Variants in ZNF507 observed in about 807,000 individuals in gnomAD.
ZNF507 encodes zinc finger protein 507.
ZNF507 carries 29 observed loss-of-function variants against 80.0 expected under a neutral mutation model. That is an observed-to-expected ratio of 0.36 (90% confidence interval 0.27 to 0.49). The LOEUF (loss-of-function observed/expected upper bound fraction) is 0.49, where lower values mean the gene tolerates loss of function less well. Among genes scored for constraint, ZNF507 ranks in the 20% least tolerant of loss-of-function variants. ZNF507 has a pLI of 0.98. For missense variants in ZNF507, 1,081 were observed against 1,152.2 expected (o/e 0.94, Z 0.90); for synonymous variants, 462 against 422.5 (o/e 1.09, Z -1.15).
intron 5 of ZNF507, among the ~76,000 whole-genome samples, chr19:32,375,694 G>A (rs781711228): frequency 6.6e-6 from 1 of 152,204 alleles, no homozygotes; most frequent in South Asian, 2.1e-4. Flanking sequence ...TCAGTTAATT[G>A]AAACTGGATG....
chr19:32,349,026 C>T (rs147022543), intron 2 of ZNF507, among the ~76,000 whole-genome samples: 112 of 152,214 alleles, frequency 7.4e-4, no homozygotes, highest in African/African-American at 2.5e-3. Context: ...ATAAGCAAAC[C>T]ACAGCATAAT....
intron 2 of ZNF507, 49 bp downstream of exon 2, chr19:32,347,387 T>G (rs1222314601): frequency 6.6e-6 from 1 of 152,290 alleles, no homozygotes; most frequent in Non-Finnish European, 1.5e-5. Context: ...TAAGACTGTA[T>G]AACACCCACC....
In ZNF507 at chr19:32,383,054, G is replaced by T; in HGVS notation, c.2833G>T (p.Asp945Tyr). 2 of 1,613,970 alleles carry T rather than the reference G, an allele frequency of 1.2e-6. No homozygotes were observed. Among genetic ancestry groups the T allele is most frequent in the South Asian group, 2.2e-5 (2 of 91,046 alleles). Residue 945 changes from aspartate (D) to tyrosine (Y), a missense_variant, in exon 7 of 7, where the codon GAC (aspartate) becomes TAC (tyrosine). By Grantham distance (160) the Asp-to-Tyr change is radical. This residue lies in a region of ZNF507 where 138 missense variants were observed against 158.4 expected (regional missense o/e 0.87). Coordinates refer to ENST00000355898, the MANE Select transcript of ZNF507 (RefSeq NM_001136156.2). Reference protein sequence around the residue: ...GEIVNIILNKDHNTALNTN With the variant: ...GEIVNIILNKYHNTALNTN ...AATTGTAAACATCATCCTGAATAAGGACCACAATACAGCTCTAAACACAAA... is the reference window on the plus strand; with the variant it reads ...AATTGTAAACATCATCCTGAATAAGTACCACAATACAGCTCTAAACACAAA...
intron 5 of ZNF507, among the ~76,000 whole-genome samples, chr19:32,375,851 G>A (rs1321771448): frequency 2.0e-5 from 3 of 152,036 alleles, no homozygotes; most frequent in Non-Finnish European, 4.4e-5. Flanking sequence ...CCTTTCAAAT[G>A]GTGACTCATA....
Position 32,354,852 on chromosome 19 carries a change from C to T in ZNF507, c.2022C>T (p.Cys674=), listed in dbSNP as rs145379181. Residue 674 remains cysteine (C), a synonymous_variant, in exon 3 of 7, where the codon TGC becomes TGT. Coordinates refer to ENST00000355898, the MANE Select transcript of ZNF507 (RefSeq NM_001136156.2). ...RQRQPYQCPI[C]EHIADNSKDL... ...GACAGCCTTATCAGTGTCCTATCTG[C>T]GAGCACATAGCGGACAACAGCAAAG... 9.3e-6 allele frequency: 15 copies of T among 1,614,000 alleles called. No homozygotes were observed. The highest frequency in any genetic ancestry group is 8.0e-5 in the African/African-American group (6 of 74,912).
intron 2 of ZNF507, among the ~76,000 whole-genome samples, chr19:32,349,403 T>C (rs771604139): frequency 6.6e-6 from 1 of 152,248 alleles, no homozygotes; most frequent in Non-Finnish European, 1.5e-5. Context: ...TACCTCTCCA[T>C]GAAGCTTTTG....
rs933881654 is a variant in ZNF507 at position 32,347,231 on chromosome 19, G to A, written c.-96-14G>A. 1.3e-5 allele frequency: 2 copies of A among 152,520 alleles called. No homozygotes were observed. Among genetic ancestry groups the A allele is most frequent in the East Asian group, 3.9e-4 (2 of 5,180 alleles). The allele number at this position is 152,520 out of a possible 1,614,324, so 9.4% of individuals were successfully genotyped here. On this transcript the variant is annotated splice_polypyrimidine_tract_variant and intron_variant, in intron 1 of 6. Coordinates refer to ENST00000355898, the MANE Select transcript of ZNF507 (RefSeq NM_001136156.2). The stretch of plus-strand genomic sequence containing the variant: ...AAATGTTTTGATACTATATACTTTC[G>A]TTCTTGGCCACAGCTGGATTTTGAA...
At position 32,354,686 on chromosome 19, in the gene ZNF507, C is replaced by T; in HGVS notation, c.1856C>T (p.Pro619Leu). Residue 619 changes from proline (P) to leucine (L), a missense_variant, in exon 3 of 7, where the codon CCC (proline) becomes CTC (leucine). By Grantham distance (98) the Pro-to-Leu change is moderately conservative. Around this residue, in one of 6 missense-constraint regions of ZNF507, gnomAD observed 614 missense variants for 583.9 expected, o/e 1.05. Transcript: ENST00000355898. The stretch of plus-strand genomic sequence containing the variant: ...TTGCAGGACAACGCCCAGTGCCAAC[C>T]CAACAGCGATACAAGTTTGTCCGGA... ...KELQDNAQCQ[P>L]NSDTSLSGNN... The T allele has an allele frequency of 6.2e-7, 1 of 1,614,148 alleles. No homozygotes were observed. The highest frequency in any genetic ancestry group is 1.1e-5 in the South Asian group (1 of 91,068).
intron 4 of ZNF507, chr19:32,356,999 C>T: frequency 3.3e-6 from 1 of 301,588 alleles, no homozygotes; most frequent in Non-Finnish European, 6.2e-6. Flanking sequence ...AGGTGATGTA[C>T]CAGCAAGCCA....
chr19:32,353,934 A>C lies in ZNF507; in HGVS notation c.1104A>C (p.Ala368=). Residue 368 remains alanine, a synonymous_variant, in exon 3 of 7, where the codon GCA becomes GCC. Coordinates refer to ENST00000355898, the MANE Select transcript of ZNF507 (RefSeq NM_001136156.2). ...EEEMLEVISD[A]EENLIPDSLL... is the part of the protein sequence containing the mutation. ...AAATGCTAGAAGTGATTTCTGATGC[A>C]GAGGAGAATCTGATTCCTGATAGCC... 6.2e-7 allele frequency: 1 copy of C among 1,614,178 alleles called. No individual in the cohort carries two copies.
In ZNF507 at chr19:32,382,973, T is replaced by A; in HGVS notation, c.2752T>A (p.Phe918Ile). 2 of 1,614,164 alleles carry A rather than the reference T, an allele frequency of 1.2e-6. No individual in the cohort carries two copies. The highest frequency in any genetic ancestry group is 1.7e-6 in the Non-Finnish European group (2 of 1,180,026). The change falls in exon 7 of 7, where the codon TTT becomes ATT. Residue 918 changes from phenylalanine to isoleucine, a missense_variant. Phe to Ile is a conservative substitution (Grantham distance 21). Coordinates refer to ENST00000355898, the MANE Select transcript of ZNF507 (RefSeq NM_001136156.2). ...VLLFCCCICG[F>I]ESTSKENLLD... ...ACTCTTCTGCTGTTGTATTTGTGGTTTTGAATCAACCAGCAAAGAAAACCT... is the reference window on the plus strand; with the variant it reads ...ACTCTTCTGCTGTTGTATTTGTGGTATTGAATCAACCAGCAAAGAAAACCT...
intron 5 of ZNF507, among the ~76,000 whole-genome samples, chr19:32,362,394 G>C (rs1463102936): frequency 6.6e-6 from 1 of 152,172 alleles, no homozygotes; most frequent in Admixed American, 6.5e-5. Context: ...TCCGGGTCCA[G>C]AATTAGATTG....
chr19:32,363,452 A>G (rs181903595), intron 5 of ZNF507, among the ~76,000 whole-genome samples: 3 of 152,228 alleles, frequency 2.0e-5, no homozygotes, highest in Non-Finnish European at 1.5e-5. Context: ...CAGTCCTTCA[A>G]TGACCCCATC....
In ZNF507 at chr19:32,353,607, G is replaced by A. The variant is rs1967202873; in HGVS notation, c.777G>A (p.Gln259=). The A allele has an allele frequency of 6.2e-7, 1 of 1,614,104 alleles. No homozygotes were observed. Among genetic ancestry groups the A allele is most frequent in the South Asian group, 1.1e-5 (1 of 91,092 alleles). The change falls in exon 3 of 7, where the codon CAG becomes CAA. Residue 259 remains glutamine, a synonymous_variant. Transcript: ENST00000355898. ...TGTTTTGTAGTTATACTTGTGGCCA[G>A]CAGAGAATGTTGAAAACACACGCTT... ...RCLFCSYTCG[Q]QRMLKTHAWK...
chr19:32,354,185 G>C lies in ZNF507; in HGVS notation c.1355G>C (p.Gly452Ala). 1 of 1,613,434 alleles carries C rather than the reference G, an allele frequency of 6.2e-7. No individual in the cohort carries two copies. The highest frequency in any genetic ancestry group is 2.2e-5 in the East Asian group (1 of 44,880). ...GCTGATAAATGTACTGTTGATATTG[G>C]GGGATTGATCATAGGCTGGAGCAGT... ...YRADKCTVDI[G>A]GLIIGWSSSE... Residue 452 changes from glycine to alanine, a missense_variant, in exon 3 of 7, where the codon GGG becomes GCG. By Grantham distance (60) the Gly-to-Ala change is moderately conservative. Transcript: ENST00000355898.
Position 32,383,027 on chromosome 19 carries a change from G to A in ZNF507, c.2806G>A (p.Glu936Lys). ...LLDHMKEHEG[E>K]IVNIILNKDH... ...GGATCATATGAAAGAGCACGAGGGT[G>A]AAATTGTAAACATCATCCTGAATAA... Residue 936 changes from glutamate (E) to lysine (K), a missense_variant, in exon 7 of 7, where the codon GAA (glutamate) becomes AAA (lysine). Coordinates refer to ENST00000355898, the MANE Select transcript of ZNF507 (RefSeq NM_001136156.2). 1 of 1,614,116 alleles carries A rather than the reference G, an allele frequency of 6.2e-7. No individual in the cohort carries two copies.
At chr19:32,381,789 T>C (rs1967626318) in intron 5 of ZNF507, among the ~76,000 whole-genome samples, 1 of 151,906 alleles carries the variant, frequency 6.6e-6, no homozygotes, top group South Asian at 2.1e-4. Flanking sequence ...GGAGGAGGGG[T>C]TATAGGAGGA....
chr19:32,352,168 G>T (rs1244189627), intron 2 of ZNF507, among the ~76,000 whole-genome samples: 2 of 151,350 alleles, frequency 1.3e-5, no homozygotes, highest in African/African-American at 2.4e-5. Flanking sequence ...TTTATCTTCA[G>T]GAAGATAAAG....
rs375742467 is a variant in ZNF507 at position 32,353,718 on chromosome 19, T to C, written c.888T>C (p.Ala296=). ...EPLGLLDSSA[A]AAPGGVDAVV... is the part of the protein sequence containing the mutation. Reference sequence around the variant, plus strand: ...TAGGCCTGCTGGATTCTTCAGCAGCTGCTGCGCCTGGTGGGGTCGATGCAG... The same window carrying C: ...TAGGCCTGCTGGATTCTTCAGCAGCCGCTGCGCCTGGTGGGGTCGATGCAG... The change falls in exon 3 of 7, where the codon GCT becomes GCC. Residue 296 remains alanine, a synonymous_variant. Coordinates refer to ENST00000355898, the MANE Select transcript of ZNF507 (RefSeq NM_001136156.2). 1.4e-5 allele frequency: 23 copies of C among 1,614,232 alleles called. No homozygotes were observed. The African/African-American group carries it at 1.7e-4, about 12-fold the overall frequency.
Sources: allele counts gnomAD v4.1 joint callset (sites outside exome capture counted in the v4.1 genomes callset), GRCh38; gene constraint gnomAD v4.1.1; regional missense constraint gnomAD v4.1.1; transcripts MANE v1.5; gene names NCBI Gene and HGNC (gene_info 2026-07-23, HGNC 2026-07-21).